GPR89B: variants seen among roughly 807,000 people sequenced by gnomAD.
The protein encoded by GPR89B is golgi pH regulator B.
GPR89B carries 25 observed loss-of-function variants against 52.4 expected under a neutral mutation model. That is an observed-to-expected ratio of 0.48 (90% confidence interval 0.35 to 0.67). GPR89B has a LOEUF of 0.67. Ranked by LOEUF, GPR89B falls within the 30% of genes least tolerant of loss-of-function variation. The pLI is 0.01. For missense variants in GPR89B, 146 were observed against 450.2 expected, an observed-to-expected ratio of 0.32 and a Z score of 6.11; for synonymous variants, 52 against 151.2, an observed-to-expected ratio of 0.34 and a Z score of 4.81.
intron 1 of GPR89B, among the ~76,000 whole-genome samples, chr1:147,934,092 C>T (rs587717684): frequency 2.6e-5 from 4 of 151,104 alleles, no homozygotes; most frequent in South Asian, 2.1e-4. Flanking sequence ...ATTCACTCTG[C>T]GCCTTTACTC....
rs1331168836 is a variant in GPR89B, at chr1:147,991,222, C to T, written c.1096-1280C>T. 6.8e-4 allele frequency among the ~76,000 whole-genome samples: 103 copies of T among 151,760 alleles called. 2 individuals are homozygous for T. Among genetic ancestry groups the T allele is most frequent in the South Asian group, 6.3e-3 (30 of 4,796 alleles). On this transcript the variant is annotated intron_variant, in intron 12 of 13. Transcript: ENST00000314163. ...TCTCTTTGAAGCAATTGTGAATGGG[C>T]GTTCACTCATGATTTGGCTCTCTGT...
intron 10 of GPR89B, among the ~76,000 whole-genome samples, chr1:147,970,492 T>TCTCTCTCC (rs1491541307): frequency 2.2e-5 from 1 of 46,050 alleles, no homozygotes; most frequent in Admixed American, 1.9e-4. Flanking sequence ...TGAGACTCCA[T>TCTCTCTCC]CTCTCTCTCT....
At chr1:147,952,103 A>C (rs1275616316) in intron 5 of GPR89B, among the ~76,000 whole-genome samples, 6 of 152,054 alleles carry the variant, frequency 3.9e-5, no homozygotes, top group African/African-American at 1.5e-4. Context: ...AAGGTAGGAA[A>C]AATAAAGAGT....
At chr1:148,007,308 C>T in the GPR89B span, among the ~76,000 whole-genome samples, 1 of 152,134 alleles carries the variant, frequency 6.6e-6, no homozygotes, top group Non-Finnish European at 1.5e-5. Flanking sequence ...ATCTCCTGAC[C>T]TTAAGATCCG....
chr1:148,002,794 CTG>C, the GPR89B span, among the ~76,000 whole-genome samples: 2 of 152,342 alleles, frequency 1.3e-5, no homozygotes, highest in East Asian at 1.9e-4. Flanking sequence ...GCCAATTAAA[CTG>C]TGCCAGTGTC....
chr1:147,958,495 T>C (rs1316304388), intron 7 of GPR89B, among the ~76,000 whole-genome samples: 10 of 125,314 alleles, frequency 8.0e-5, no homozygotes, highest in African/African-American at 3.4e-4. Context: ...AAAAATTATC[T>C]GGGCATAGTG....
chr1:147,948,975 C>G (rs587753724), intron 5 of GPR89B, among the ~76,000 whole-genome samples: 216 of 152,094 alleles, frequency 1.4e-3, no homozygotes, highest in South Asian at 2.9e-3. Context: ...AACGAGCATG[C>G]TGCCTTCAAG....
In GPR89B at chr1:147,962,547, A is replaced by T. The variant is rs1362697924; in HGVS notation, c.618-4007A>T. Among the ~76,000 whole-genome samples, 10 of 152,062 alleles carry T rather than the reference A, an allele frequency of 6.6e-5. No individual in the cohort carries two copies. The East Asian group carries it at 1.9e-3, about 29-fold the overall frequency. The stretch of plus-strand genomic sequence containing the variant: ...CCTTTCACCAAATGGTGCTAGAGCA[A>T]TTAGGCGTCCATAGGTTTAAAAAAT... On this transcript the variant is annotated intron_variant, in intron 7 of 13. Coordinates refer to ENST00000314163, the MANE Select transcript of GPR89B (RefSeq NM_016334.5).
chr1:147,998,454 T>C (rs1659366306), downstream of GPR89B, among the ~76,000 whole-genome samples: 1 of 150,478 alleles, frequency 6.6e-6, no homozygotes, highest in African/African-American at 2.4e-5. Context: ...GCCTTTCTCT[T>C]TAAAATATGG....
the GPR89B span, among the ~76,000 whole-genome samples, chr1:148,020,046 C>T: frequency 2.0e-5 from 3 of 151,334 alleles, no homozygotes; most frequent in Non-Finnish European, 4.4e-5. Context: ...GTTCCTGGGT[C>T]CTGAAGGCCT....
At chr1:148,003,500 C>G in the GPR89B span, among the ~76,000 whole-genome samples, 3 of 152,090 alleles carry the variant, frequency 2.0e-5, no homozygotes, top group Non-Finnish European at 4.4e-5. Context: ...AATTTGGTAC[C>G]AAAAACAAAC....
intron 10 of GPR89B, among the ~76,000 whole-genome samples, chr1:147,979,677 T>C (rs2624718): frequency 0.09 from 13,049 of 145,442 alleles, 1,194 homozygotes; most frequent in African/African-American, 0.25. Context: ...TAGTTGATTA[T>C]ATTCATTAAT....
rs1450371283 is a variant in GPR89B, at chr1:147,975,138, T to C, written c.909+5179T>C. Among the ~76,000 whole-genome samples the C allele has an allele frequency of 3.6e-4, 49 of 137,084 alleles. No homozygotes were observed. The South Asian group carries it at 0.011, about 32-fold the overall frequency. The allele number at this position is 137,084 out of a possible 152,430, so 89.9% of individuals were successfully genotyped here. On this transcript the variant is annotated intron_variant, in intron 10 of 13. Coordinates refer to ENST00000314163, the MANE Select transcript of GPR89B (RefSeq NM_016334.5). ...GATATTGGCCTGAAGTTTTCTTTTT[T>C]TGTTGTTGTATCTCTGCCAGATTTT...
At chr1:147,958,136 TGTCAGTAAAGACA>T (rs1250096133) in intron 7 of GPR89B, among the ~76,000 whole-genome samples, 2 of 152,140 alleles carry the variant, frequency 1.3e-5, no homozygotes, top group African/African-American at 2.4e-5. Flanking sequence ...TATTTCTGCA[TGTCAGTAAAGACA>T]GTCAGTAAAG....
At chr1:148,011,726 G>C in the GPR89B span, 1 of 152,232 alleles carries the variant, frequency 6.6e-6, no homozygotes, top group Admixed American at 6.5e-5. Context: ...TGGCATCCGC[G>C]GGGTCCGTGG....
chr1:147,928,470 G>A lies in GPR89B; in HGVS notation c.-67G>A, dbSNP rs1282495203. The stretch of plus-strand genomic sequence containing the variant: ...GAAGGCAGACCGTGTGAGGGGGCCT[G>A]TGGCCCCAGCGTGCTGTGGCCTCCG... On this transcript the variant is annotated 5_prime_UTR_variant, in exon 1 of 14. In the 5' UTR this introduces an upstream ATG that the reference lacks. Coordinates refer to ENST00000314163, the MANE Select transcript of GPR89B (RefSeq NM_016334.5). 5.7e-6 allele frequency: 9 copies of A among 1,579,996 alleles called. No homozygotes were observed. Among genetic ancestry groups the A allele is most frequent in the East Asian group, 2.2e-5 (1 of 44,670 alleles).
At chr1:148,017,108 A>G in the GPR89B span, among the ~76,000 whole-genome samples, 1 of 151,402 alleles carries the variant, frequency 6.6e-6, no homozygotes, top group East Asian at 2.0e-4. Flanking sequence ...GTGGCGCGAT[A>G]TTGGCTCACT....
intron 2 of GPR89B, among the ~76,000 whole-genome samples, chr1:147,938,098 CT>C (rs1175493022): frequency 6.6e-6 from 1 of 152,054 alleles, no homozygotes; most frequent in Non-Finnish European, 1.5e-5. Flanking sequence ...GGGTCCCTGA[CT>C]TCCCGCAACA....
chr1:147,986,507 A>G (rs1658680156), intron 11 of GPR89B, among the ~76,000 whole-genome samples: 2 of 152,168 alleles, frequency 1.3e-5, no homozygotes, highest in African/African-American at 4.8e-5. Context: ...CTCTCTTAAC[A>G]TAAAGCCAGA....
Sources: allele counts gnomAD v4.1 joint callset (sites outside exome capture counted in the v4.1 genomes callset), GRCh38; gene constraint gnomAD v4.1.1; transcripts MANE v1.5; gene names NCBI Gene and HGNC (gene_info 2026-07-23, HGNC 2026-07-21).